The following NAALADL2 variants were observed in gnomAD, a reference collection of about 807,000 sequenced individuals.
The protein encoded by NAALADL2 is inactive N-acetylated-alpha-linked acidic dipeptidase-like protein 2.
Under a neutral mutation model 87.2 loss-of-function variants are expected in NAALADL2, and 76 were observed. The observed-to-expected ratio is 0.87, with a 90% CI of 0.72 to 1.05. The LOEUF (loss-of-function observed/expected upper bound fraction) is 1.05. Among genes scored for constraint, NAALADL2 ranks in the 50% least tolerant of loss-of-function variants. NAALADL2 has a pLI of 0.00. For missense variants in NAALADL2, 1,089 were observed against 945.8 expected, an observed-to-expected ratio of 1.15 and a Z score of -1.99; for synonymous variants, 354 against 331.0, an observed-to-expected ratio of 1.07 and a Z score of -0.75.
chr3:174,916,178 C>T (rs1172641500), intron 1 of NAALADL2, among the ~76,000 whole-genome samples: 5 of 152,094 alleles, frequency 3.3e-5, no homozygotes, highest in African/African-American at 4.8e-5. Context: ...CCACCTTACT[C>T]CTGCAAGAAC....
intron 10 of NAALADL2, among the ~76,000 whole-genome samples, chr3:175,603,841 A>G (rs1723290170): frequency 6.6e-6 from 1 of 152,102 alleles, no homozygotes; most frequent in Admixed American, 6.6e-5. Context: ...AAAAACCACA[A>G]AAATTAGCCA....
rs1353710225 is a variant in NAALADL2 at position 175,804,355 on chromosome 3, AAG to A, written c.*1157_*1158del. 31 of 151,736 alleles carry A rather than the reference AAG, an allele frequency of 2.0e-4. No individual in the cohort carries two copies. In the Admixed American group the frequency reaches 2.0e-3, roughly 10 times the overall value. The allele number at this position is 151,736 out of a possible 1,614,324, so 9.4% of individuals were successfully genotyped here. ...TTCTAAGTTTCTGCAGTGTTACTGTAAGAGAGTGTCTCGTCTACACTTCAGTT... is the reference window on the plus strand; with the variant it reads ...TTCTAAGTTTCTGCAGTGTTACTGTAAGAGTGTCTCGTCTACACTTCAGTT... On this transcript the variant is annotated 3_prime_UTR_variant, in exon 14 of 14. Coordinates refer to ENST00000454872, the MANE Select transcript of NAALADL2 (RefSeq NM_207015.3).
chr3:175,749,306 C>A (rs1746338400), intron 12 of NAALADL2, among the ~76,000 whole-genome samples: 2 of 151,960 alleles, frequency 1.3e-5, no homozygotes, highest in South Asian at 2.1e-4. Context: ...AAAGTTAATA[C>A]CCAAGAGTTT....
At chr3:175,215,639 CT>C (rs1742403143) in intron 2 of NAALADL2, among the ~76,000 whole-genome samples, 1 of 152,122 alleles carries the variant, frequency 6.6e-6, no homozygotes. Flanking sequence ...TTCCTAACCA[CT>C]GGATAGAAAG....
intron 1 of NAALADL2, among the ~76,000 whole-genome samples, chr3:175,028,089 A>G (rs1752418749): frequency 6.6e-6 from 1 of 152,088 alleles, no homozygotes; most frequent in African/African-American, 2.4e-5. Context: ...GAGAACAGCT[A>G]TCCCTTAACA....
intron 5 of NAALADL2, among the ~76,000 whole-genome samples, chr3:175,400,818 C>G (rs2149057397): frequency 6.6e-6 from 1 of 152,164 alleles, no homozygotes; most frequent in Non-Finnish European, 1.5e-5. Context: ...TCAACTGGGC[C>G]TAGACAAAGC....
chr3:175,663,800 A>G (rs1208689821), intron 11 of NAALADL2, among the ~76,000 whole-genome samples: 3 of 151,910 alleles, frequency 2.0e-5, no homozygotes, highest in Admixed American at 6.6e-5. Context: ...AAATTTGAAA[A>G]TTTGGATTGG....
intron 1 of NAALADL2, among the ~76,000 whole-genome samples, chr3:174,492,462 G>T (rs73881175): frequency 0.014 from 2,128 of 152,146 alleles, 50 homozygotes; most frequent in African/African-American, 0.049. Flanking sequence ...AAGACTGCTG[G>T]AATATTTAAC....
intron 1 of NAALADL2, among the ~76,000 whole-genome samples, chr3:175,056,762 G>T (rs1250430856): frequency 6.6e-6 from 1 of 152,200 alleles, no homozygotes; most frequent in African/African-American, 2.4e-5. Flanking sequence ...AAAGGGATGG[G>T]TCTGGCTAGT....
intron 1 of NAALADL2, among the ~76,000 whole-genome samples, chr3:174,998,967 A>G (rs777722386): frequency 6.6e-6 from 1 of 152,172 alleles, no homozygotes; most frequent in East Asian, 1.9e-4. Context: ...AGAAAATCTC[A>G]TATCTGTGGC....
At chr3:175,093,725 A>T (rs910928593) in intron 1 of NAALADL2, among the ~76,000 whole-genome samples, 2 of 151,764 alleles carry the variant, frequency 1.3e-5, no homozygotes, top group Non-Finnish European at 2.9e-5. Flanking sequence ...ACACCAAGTG[A>T]CTTCATCTAC....
At chr3:175,213,997 G>A (rs750031759) in intron 2 of NAALADL2, among the ~76,000 whole-genome samples, 2 of 151,978 alleles carry the variant, frequency 1.3e-5, no homozygotes, top group Non-Finnish European at 2.9e-5. Context: ...TTAAAGTAAC[G>A]GGAAGAAAAT....
chr3:175,157,703 A>G (rs548717879), intron 2 of NAALADL2, among the ~76,000 whole-genome samples: 2 of 152,194 alleles, frequency 1.3e-5, no homozygotes, highest in African/African-American at 4.8e-5. Context: ...AAATCATGCC[A>G]TTAACTGGGA....
chr3:174,671,417 G>C (rs957025299), intron 2 of NAALADL2, among the ~76,000 whole-genome samples: 1 of 151,978 alleles, frequency 6.6e-6, no homozygotes, highest in Admixed American at 6.6e-5. Context: ...TATTCTCACA[G>C]ATATTAGAAA....
At chr3:175,288,215 C>T (rs147546010) in intron 4 of NAALADL2, among the ~76,000 whole-genome samples, 2 of 152,038 alleles carry the variant, frequency 1.3e-5, no homozygotes, top group African/African-American at 2.4e-5. Flanking sequence ...AATTTGATGT[C>T]CCAGTTTAAA....
intron 1 of NAALADL2, among the ~76,000 whole-genome samples, chr3:175,038,453 C>A (rs184583056): frequency 1.3e-5 from 2 of 152,280 alleles, no homozygotes; most frequent in East Asian, 1.9e-4. Context: ...GCAGTACACA[C>A]AATTGCAAGT....
chr3:175,296,626 A>G (rs1205325775), intron 4 of NAALADL2, among the ~76,000 whole-genome samples: 1 of 152,290 alleles, frequency 6.6e-6, no homozygotes, highest in East Asian at 1.9e-4. Context: ...AGTCCCATAT[A>G]GATTTATGAA....
intron 11 of NAALADL2, among the ~76,000 whole-genome samples, chr3:175,700,976 T>A (rs920488032): frequency 2.0e-5 from 3 of 151,968 alleles, no homozygotes; most frequent in African/African-American, 4.8e-5. Flanking sequence ...AATGGTACTA[T>A]GGAGATAAAT....
chr3:175,278,389 C>G (rs143163326), intron 4 of NAALADL2, among the ~76,000 whole-genome samples: 2 of 152,230 alleles, frequency 1.3e-5, no homozygotes, highest in Admixed American at 1.3e-4. Context: ...CTTCTATTTT[C>G]CACTCTAAAA....
Sources: gnomAD v4.1 joint callset for allele counts (sites outside exome capture counted in the v4.1 genomes callset) on GRCh38, gnomAD v4.1.1 for gene constraint, MANE v1.5 for transcripts, NCBI Gene and HGNC (gene_info 2026-07-23, HGNC 2026-07-21) for gene names.